Variants in NAALADL2 observed in about 807,000 individuals in gnomAD.
The protein encoded by NAALADL2 is inactive N-acetylated-alpha-linked acidic dipeptidase-like protein 2.
In NAALADL2, 76 loss-of-function variants were observed where a neutral mutation model predicts 87.2. The observed-to-expected ratio is 0.87, with a 90% CI of 0.72 to 1.05. NAALADL2 has a LOEUF of 1.05. NAALADL2 is among the 50% of genes least tolerant of loss of function. The pLI, the probability that NAALADL2 is intolerant of heterozygous loss-of-function variation, is 0.00. For missense variants in NAALADL2, 1,089 were observed against 945.8 expected (o/e 1.15, Z -1.99); for synonymous variants, 354 against 331.0 (o/e 1.07, Z -0.75).
chr3:175,158,707 T>C (rs1326167875), intron 2 of NAALADL2, among the ~76,000 whole-genome samples: 1 of 152,120 alleles, frequency 6.6e-6, no homozygotes, highest in Admixed American at 6.6e-5. Context: ...AGCAATTTTT[T>C]TGCAGTGAAG....
intron 4 of NAALADL2, among the ~76,000 whole-genome samples, chr3:175,298,362 T>A (rs1405740139): frequency 6.6e-5 from 10 of 152,142 alleles, no homozygotes; most frequent in Admixed American, 6.6e-4. Context: ...TGATGCCAGA[T>A]TTTACATCTT....
intron 3 of NAALADL2, among the ~76,000 whole-genome samples, chr3:174,850,268 A>G (rs535274935): frequency 6.6e-6 from 1 of 152,212 alleles, no homozygotes; most frequent in African/African-American, 2.4e-5. Flanking sequence ...GTCTGCTGCC[A>G]GACATATAAG....
At chr3:174,895,159 A>G (rs1300275974) in intron 1 of NAALADL2, among the ~76,000 whole-genome samples, 1 of 152,084 alleles carries the variant, frequency 6.6e-6, no homozygotes, top group African/African-American at 2.4e-5. Flanking sequence ...AAATTAGTAT[A>G]AGAAAAGAAA....
chr3:174,444,647 G>A (rs1437247681), intron 1 of NAALADL2, among the ~76,000 whole-genome samples: 2 of 152,134 alleles, frequency 1.3e-5, no homozygotes, highest in East Asian at 3.9e-4. Context: ...ACCTCCCGTG[G>A]AGCTTATAAC....
chr3:175,683,511 A>T (rs1169267068), intron 11 of NAALADL2, among the ~76,000 whole-genome samples: 1 of 151,992 alleles, frequency 6.6e-6, no homozygotes, highest in African/African-American at 2.4e-5. Context: ...TATGTATTTA[A>T]GGTAAATGGT....
chr3:175,721,132 G>A (rs1451870016), intron 11 of NAALADL2, among the ~76,000 whole-genome samples: 1 of 152,068 alleles, frequency 6.6e-6, no homozygotes, highest in Admixed American at 6.6e-5. Context: ...GTAGTTCATA[G>A]TCGTGAGGTG....
intron 2 of NAALADL2, among the ~76,000 whole-genome samples, chr3:175,123,088 C>T (rs1043563074): frequency 1.3e-5 from 2 of 151,954 alleles, no homozygotes; most frequent in South Asian, 2.1e-4. Context: ...AAAATTCCTA[C>T]CTATTAATAC....
intron 1 of NAALADL2, among the ~76,000 whole-genome samples, chr3:174,546,818 T>G (rs949467244): frequency 6.6e-6 from 1 of 152,074 alleles, no homozygotes; most frequent in Admixed American, 6.6e-5. Context: ...CCAACACACC[T>G]GGCAAATTTT....
chr3:175,738,294 C>T (rs1339515755), intron 12 of NAALADL2, among the ~76,000 whole-genome samples: 1 of 151,796 alleles, frequency 6.6e-6, no homozygotes, highest in Non-Finnish European at 1.5e-5. Context: ...ATTGCCCAGG[C>T]TGGAGTGCAG....
At chr3:175,445,399 G>T (rs576413178) in intron 5 of NAALADL2, among the ~76,000 whole-genome samples, 4 of 151,954 alleles carry the variant, frequency 2.6e-5, no homozygotes, top group Non-Finnish European at 5.9e-5. Flanking sequence ...TCTACCCTGT[G>T]TCTCTTCTCT....
intron 1 of NAALADL2, among the ~76,000 whole-genome samples, chr3:174,514,661 A>T (rs563736955): frequency 6.6e-6 from 1 of 152,040 alleles, no homozygotes; most frequent in East Asian, 1.9e-4. Context: ...TCATAGGAGT[A>T]TATTTGCTTT....
chr3:175,131,847 C>T (rs1243065691), intron 2 of NAALADL2, among the ~76,000 whole-genome samples: 3 of 69,826 alleles, frequency 4.3e-5, no homozygotes, highest in South Asian at 4.7e-4. Flanking sequence ...CCCTCCCGGA[C>T]GGGGCGGCTG....
intron 2 of NAALADL2, among the ~76,000 whole-genome samples, chr3:175,212,705 C>T (rs1217395387): frequency 6.6e-6 from 1 of 151,884 alleles, no homozygotes; most frequent in African/African-American, 2.4e-5. Flanking sequence ...TGTTGGTTAC[C>T]CACTATGAGC....
intron 9 of NAALADL2, among the ~76,000 whole-genome samples, chr3:175,553,640 G>A (rs1333813181): frequency 1.2e-5 from 1 of 81,282 alleles, no homozygotes; most frequent in Non-Finnish European, 2.5e-5. Flanking sequence ...GATTCATTTT[G>A]GGAGAAATAT....
At chr3:174,851,280 A>G (rs886818846) in intron 3 of NAALADL2, among the ~76,000 whole-genome samples, 1 of 151,764 alleles carries the variant, frequency 6.6e-6, no homozygotes, top group African/African-American at 2.4e-5. Flanking sequence ...AATGGGATTG[A>G]AACAAACAAA....
intron 13 of NAALADL2, among the ~76,000 whole-genome samples, chr3:175,770,436 T>C (rs1242596354): frequency 3.3e-5 from 5 of 152,200 alleles, no homozygotes; most frequent in Non-Finnish European, 7.4e-5. Context: ...TTATGCATTT[T>C]AAATGACTAA....
rs866626957 is a variant in NAALADL2 at position 175,281,377 on chromosome 3, C to A, written c.939+24847C>A. Among the ~76,000 whole-genome samples, 5 of 151,862 alleles carry A rather than the reference C, an allele frequency of 3.3e-5. No individual in the cohort carries two copies. The Middle Eastern group carries it at 0.01, about 310-fold the overall frequency. ...CCATGTATAAGATTCTTAAAGTAAG[C>A]CATTAACTCTCTCACTTTTTCATAT... is the stretch of plus-strand genomic sequence containing the variant. On this transcript the variant is annotated intron_variant, in intron 4 of 13. Coordinates refer to ENST00000454872, the MANE Select transcript of NAALADL2 (RefSeq NM_207015.3).
At chr3:175,042,062 C>T (rs747025637) in intron 1 of NAALADL2, among the ~76,000 whole-genome samples, 104 of 152,242 alleles carry the variant, frequency 6.8e-4, no homozygotes, top group Middle Eastern at 3.4e-3. Context: ...TTCACTTTGA[C>T]CAACTTTTCT....
intron 10 of NAALADL2, among the ~76,000 whole-genome samples, chr3:175,626,864 AC>A (rs1231419189): frequency 2.0e-5 from 3 of 151,920 alleles, no homozygotes; most frequent in Admixed American, 1.3e-4. Context: ...CATTTTAACT[AC>A]CATGTAAATG....
Sources: allele counts gnomAD v4.1 joint callset (sites outside exome capture counted in the v4.1 genomes callset), GRCh38; gene constraint gnomAD v4.1.1; transcripts MANE v1.5; gene names NCBI Gene and HGNC (gene_info 2026-07-23, HGNC 2026-07-21).